KMT2C: variants seen among roughly 807,000 people sequenced by gnomAD.
The protein encoded by KMT2C is lysine methyltransferase 2C, also known as histone-lysine N-methyltransferase 2C.
A neutral mutation model predicts 507.9 loss-of-function variants in KMT2C; 88 were observed. The observed-to-expected ratio is 0.17, with a 90% confidence interval of 0.15 to 0.21. The LOEUF is 0.21. KMT2C is among the 10% of genes least tolerant of loss of function. The pLI, the probability that KMT2C is intolerant of heterozygous loss-of-function variation, is 1.00. For synonymous variants in KMT2C, 2,049 were observed against 2,080.8 expected (o/e 0.98, Z 0.42); for missense variants, 4,954 against 5,957.8 (o/e 0.83, Z 5.55).
At chr7:152,433,409 A>G (rs1282627654) in intron 1 of KMT2C, among the ~76,000 whole-genome samples, 1 of 128,202 alleles carries the variant, frequency 7.8e-6, no homozygotes, top group African/African-American at 3.5e-5. Flanking sequence ...TACAGTATAG[A>G]GATACACAAT....
chr7:152,145,203 A>G lies in KMT2C; in HGVS notation c.14124T>C (p.Cys4708=). Residue 4708 remains cysteine, a synonymous_variant, in exon 54 of 59, where the codon TGT becomes TGC. Transcript: ENST00000262189. ...ELPLAVNPTG[C]ARSEPKMSAH... Reference sequence around the variant, plus strand: ...CACTCATTTTAGGTTCAGAACGGGCACAACCTGTGGGGTTAACGGCAAGAG... The same window carrying G: ...CACTCATTTTAGGTTCAGAACGGGCGCAACCTGTGGGGTTAACGGCAAGAG... 2 of 1,614,232 alleles carry G rather than the reference A, an allele frequency of 1.2e-6. No homozygotes were observed. Among genetic ancestry groups the G allele is most frequent in the Admixed American group, 3.3e-5 (2 of 60,032 alleles).
At chr7:152,198,488 A>G (rs2094031328) in intron 27 of KMT2C, among the ~76,000 whole-genome samples, 1 of 152,224 alleles carries the variant, frequency 6.6e-6, no homozygotes, top group Non-Finnish European at 1.5e-5. Context: ...GAAGCTTACC[A>G]AAAGAACAAT....
At chr7:152,231,541 G>A (rs1275053639) in intron 16 of KMT2C, among the ~76,000 whole-genome samples, 1 of 152,268 alleles carries the variant, frequency 6.6e-6, no homozygotes, top group East Asian at 1.9e-4. Context: ...AGCACTTTGG[G>A]AGGCTAAAGT....
rs113733999 is a variant in KMT2C at position 152,430,224 on chromosome 7, G to A, written c.161+5402C>T. Among the ~76,000 whole-genome samples the A allele has an allele frequency of 2.5e-4, 38 of 150,362 alleles. No individual in the cohort carries two copies. In the Middle Eastern group the frequency reaches 0.01, roughly 41 times the overall value. On this transcript the variant is annotated intron_variant, in intron 1 of 58. Transcript: ENST00000262189. The stretch of plus-strand genomic sequence containing the variant: ...ACAGAAATCATCTCTATTCTACTTC[G>A]TAACTTTTGCCACTTATCCTGCCAA...
chr7:152,250,397 A>T (rs2095545146), intron 12 of KMT2C, among the ~76,000 whole-genome samples: 2 of 152,192 alleles, frequency 1.3e-5, no homozygotes, highest in Non-Finnish European at 2.9e-5. Context: ...TCTCTTATTA[A>T]TTCCAGATCT....
In KMT2C at chr7:152,174,210, C is replaced by T. The variant is rs2129110897; in HGVS notation, c.9295G>A (p.Ala3099Thr). The change falls in exon 39 of 59, where the codon GCC (alanine) becomes ACC (threonine). Residue 3099 changes from alanine (A) to threonine (T), a missense_variant. Ala to Thr is a moderately conservative substitution (Grantham distance 58). Transcript: ENST00000262189. The part of the protein sequence containing the change: ...FDAITDPIMK[A>T]KMVALKGINK... Reference sequence around the variant, plus strand: ...ATACCTTTAAGGGCCACCATTTTGGCTTTCATTATAGGATCTGTAATTGCA... The same window carrying T: ...ATACCTTTAAGGGCCACCATTTTGGTTTTCATTATAGGATCTGTAATTGCA... The T allele has an allele frequency of 6.2e-7, 1 of 1,605,286 alleles. No homozygotes were observed. Among genetic ancestry groups the T allele is most frequent in the Non-Finnish European group, 8.5e-7 (1 of 1,174,294 alleles).
chr7:152,282,724 G>A (rs1166870673), intron 6 of KMT2C, among the ~76,000 whole-genome samples: 9 of 151,732 alleles, frequency 5.9e-5, no homozygotes, highest in East Asian at 3.9e-4. Flanking sequence ...GAATTTCTGG[G>A]GCGCTATTAT....
At chr7:152,329,866 C>A (rs1244931004) in intron 3 of KMT2C, among the ~76,000 whole-genome samples, 1 of 152,020 alleles carries the variant, frequency 6.6e-6, no homozygotes, top group Non-Finnish European at 1.5e-5. Flanking sequence ...ATATTACAGG[C>A]CCAGTGTAGT....
At chr7:152,190,892 T>C (rs974643740) in intron 31 of KMT2C, among the ~76,000 whole-genome samples, 9 of 152,198 alleles carry the variant, frequency 5.9e-5, no homozygotes, top group South Asian at 4.1e-4. Context: ...AGTAGTCATG[T>C]TACTTAACTG....
At chr7:152,183,812 C>T (rs2093518985) in intron 34 of KMT2C, among the ~76,000 whole-genome samples, 1 of 152,144 alleles carries the variant, frequency 6.6e-6, no homozygotes, top group Admixed American at 6.5e-5. Context: ...AGGAGAATCA[C>T]TTGAACTCAG....
chr7:152,286,699 G>C (rs2096303297), intron 6 of KMT2C, among the ~76,000 whole-genome samples: 1 of 152,030 alleles, frequency 6.6e-6, no homozygotes, highest in Non-Finnish European at 1.5e-5. Context: ...ACAAACAAAA[G>C]AAGACAACAA....
chr7:152,212,084 AGGACAGAAAGAAAGAC>A (rs2094468133), intron 23 of KMT2C, among the ~76,000 whole-genome samples: 1 of 152,140 alleles, frequency 6.6e-6, no homozygotes, highest in Non-Finnish European at 1.5e-5. Context: ...AGACGAGACG[AGGACAGAAAGAAAGAC>A]AGACAGAAAG....
rs1207305132 is a variant in KMT2C, at chr7:152,255,109, TTATATATATATA to T, written c.1300-2406_1300-2395del. ...AATCAAGATGTCAATCAACTCTCAC[TTATATATATATA>T]TATATATATATATATATATATATAC... On this transcript the variant is annotated intron_variant, in intron 9 of 58. Coordinates refer to ENST00000262189, the MANE Select transcript of KMT2C (RefSeq NM_170606.3). 8.2e-3 allele frequency among the ~76,000 whole-genome samples: 642 copies of T among 78,358 alleles called. 18 individuals are homozygous for T. Among genetic ancestry groups the T allele is most frequent in the African/African-American group, 0.022 (525 of 23,558 alleles). 51.4% of individuals were successfully genotyped at this position (78,358 alleles called of 152,430 possible). A position where few individuals can be genotyped will look rare whatever the true frequency, so the allele number is the denominator to read the frequency against.
chr7:152,351,758 A>C (rs1263087493), intron 2 of KMT2C, among the ~76,000 whole-genome samples: 1 of 152,202 alleles, frequency 6.6e-6, no homozygotes, highest in Non-Finnish European at 1.5e-5. Context: ...TTTCATGGGC[A>C]CTTATCACTT....
intron 6 of KMT2C, among the ~76,000 whole-genome samples, chr7:152,277,973 ATGTG>A (rs200814469): frequency 8.6e-5 from 13 of 151,954 alleles, no homozygotes; most frequent in Non-Finnish European, 1.3e-4. Flanking sequence ...TCATTTATGT[ATGTG>A]TGTGTGTGTA....
chr7:152,412,703 A>C (rs1220008704), intron 1 of KMT2C, among the ~76,000 whole-genome samples: 1 of 152,188 alleles, frequency 6.6e-6, no homozygotes, highest in African/African-American at 2.4e-5. Flanking sequence ...GCTTAAATGC[A>C]CAGTGGTCTT....
chr7:152,227,520 T>C (rs1327788681), intron 18 of KMT2C, among the ~76,000 whole-genome samples: 1 of 152,202 alleles, frequency 6.6e-6, no homozygotes. Flanking sequence ...CAGGAGACAG[T>C]GGTCTCTGAG....
Position 152,136,886 on chromosome 7 carries a change from C to T in KMT2C, c.14682G>A (p.Gln4894=), listed in dbSNP as rs2129088188. 1 of 1,613,494 alleles carries T rather than the reference C, an allele frequency of 6.2e-7. No individual in the cohort carries two copies. The highest frequency in any genetic ancestry group is 8.5e-7 in the Non-Finnish European group (1 of 1,179,978). The stretch of plus-strand genomic sequence containing the variant: ...CTCCACAGTGACACGGAATCTTGTG[C>T]TGGTCATCTTCAAAGTCAAACTTAT... The part of the protein sequence containing the change: ...YDYKFDFEDD[Q]HKIPCHCGAV... Residue 4894 remains glutamine (Q), a synonymous_variant, in exon 59 of 59, where the codon CAG becomes CAA. Transcript: ENST00000262189.
chr7:152,287,437 C>A (rs2096321821), intron 6 of KMT2C, among the ~76,000 whole-genome samples: 1 of 152,208 alleles, frequency 6.6e-6, no homozygotes, highest in Non-Finnish European at 1.5e-5. Flanking sequence ...TACTAAGGAA[C>A]TGGAATCTTC....
Sources: allele counts gnomAD v4.1 joint callset (sites outside exome capture counted in the v4.1 genomes callset), GRCh38; gene constraint gnomAD v4.1.1; transcripts MANE v1.5; gene names NCBI Gene and HGNC (gene_info 2026-07-23, HGNC 2026-07-21).